Variants in LRP1B observed in about 807,000 individuals in gnomAD.
The protein encoded by LRP1B is low-density lipoprotein receptor-related protein 1B.
LRP1B carries 217 observed loss-of-function variants against 556.6 expected under a neutral mutation model. The ratio of observed to expected loss-of-function variants is 0.39; its 90% confidence interval spans 0.35 to 0.44. LRP1B has a LOEUF of 0.44. LRP1B is among the 20% of genes least tolerant of loss of function. The pLI is 1.00. For synonymous variants in LRP1B, 2,047 were observed against 1,865.8 expected (o/e 1.10, Z -2.50); for missense variants, 5,053 against 5,620.8 (o/e 0.90, Z 3.23).
chr2:141,221,877 A>G (rs1397094785), intron 6 of LRP1B, among the ~76,000 whole-genome samples: 1 of 152,194 alleles, frequency 6.6e-6, no homozygotes, highest in Non-Finnish European at 1.5e-5. Context: ...CTTTGAAACC[A>G]ATGAGAACAA....
Position 140,541,859 on chromosome 2 carries a change from C to T in LRP1B, c.7307G>A (p.Gly2436Glu), listed in dbSNP as rs2105020402. ...GGAACGAAGAATTTTTGTATCTCCT[C>T]CTGTGTACTTGTTGGACCGCAGTAT... ...RAILRSNKYT[G>E]GDTKILRSDI... The change falls in exon 44 of 91, where the codon GGA becomes GAA. Residue 2436 changes from glycine to glutamate, a missense_variant. Gly to Glu is a moderately conservative substitution (Grantham distance 98, BLOSUM62 -2). Coordinates refer to ENST00000389484, the MANE Select transcript of LRP1B (RefSeq NM_018557.3). The T allele has an allele frequency of 6.2e-7, 1 of 1,612,914 alleles. No individual in the cohort carries two copies. Among genetic ancestry groups the T allele is most frequent in the Non-Finnish European group, 8.5e-7 (1 of 1,179,214 alleles).
At chr2:141,766,342 A>G (rs955896666) in intron 2 of LRP1B, among the ~76,000 whole-genome samples, 1 of 152,156 alleles carries the variant, frequency 6.6e-6, no homozygotes, top group African/African-American at 2.4e-5. Context: ...GAAATCTCCA[A>G]TGATTCTCTG....
intron 41 of LRP1B, among the ~76,000 whole-genome samples, chr2:140,643,202 C>A (rs1032040647): frequency 6.6e-6 from 1 of 151,916 alleles, no homozygotes; most frequent in South Asian, 2.1e-4. Flanking sequence ...ATACCCAGGA[C>A]GCCTTTCCTT....
chr2:141,690,516 C>T (rs1430892817), intron 2 of LRP1B, among the ~76,000 whole-genome samples: 1 of 145,526 alleles, frequency 6.9e-6, no homozygotes, highest in Admixed American at 7.0e-5. Flanking sequence ...GTTTTACAAC[C>T]TGGTTCATAT....
intron 43 of LRP1B, among the ~76,000 whole-genome samples, chr2:140,565,735 C>G (rs1681100357): frequency 6.6e-6 from 1 of 152,062 alleles, no homozygotes; most frequent in Non-Finnish European, 1.5e-5. Context: ...AACAGAAACC[C>G]TAGTGAGCAG....
intron 66 of LRP1B, among the ~76,000 whole-genome samples, chr2:140,431,053 A>C (rs541285278): frequency 1.3e-5 from 2 of 152,314 alleles, no homozygotes; most frequent in African/African-American, 2.4e-5. Context: ...CTTCTGTCAG[A>C]TATAATTCCT....
rs553034726 is a variant in LRP1B, at chr2:142,113,196, G to T, written c.82+17452C>A. 8.5e-5 allele frequency among the ~76,000 whole-genome samples: 13 copies of T among 152,066 alleles called. No homozygotes were observed. The East Asian group carries it at 1.2e-3, about 14-fold the overall frequency. On this transcript the variant is annotated intron_variant, in intron 1 of 90. Transcript: ENST00000389484. ...GCTGGGAATCAAGCCCACTTCTCTTGGTTCCCAGTGTACAGCTTTTCTCAG... is the reference window on the plus strand; with the variant it reads ...GCTGGGAATCAAGCCCACTTCTCTTTGTTCCCAGTGTACAGCTTTTCTCAG...
intron 23 of LRP1B, among the ~76,000 whole-genome samples, chr2:140,891,352 T>C (rs189914644): frequency 6.6e-6 from 1 of 152,242 alleles, no homozygotes; most frequent in African/African-American, 2.4e-5. Flanking sequence ...AAAGAGTCCT[T>C]CTTCAGATCC....
intron 1 of LRP1B, among the ~76,000 whole-genome samples, chr2:142,014,096 C>CCTAG (rs763207825): frequency 2.6e-5 from 4 of 152,018 alleles, no homozygotes; most frequent in Non-Finnish European, 5.9e-5. Context: ...AAGCATTGTA[C>CCTAG]CTAGAGTGGA....
intron 82 of LRP1B, 28 bp downstream of exon 82, chr2:140,321,935 T>A: frequency 6.3e-7 from 1 of 1,592,172 alleles, no homozygotes; most frequent in African/African-American, 1.4e-5. Flanking sequence ...ATTAATTCAT[T>A]ATTTACAGAA....
intron 35 of LRP1B, among the ~76,000 whole-genome samples, chr2:140,717,505 T>C (rs1431281915): frequency 6.6e-6 from 1 of 152,060 alleles, no homozygotes; most frequent in Non-Finnish European, 1.5e-5. Flanking sequence ...TATATAAGAG[T>C]ACTTTTTGAA....
intron 2 of LRP1B, among the ~76,000 whole-genome samples, chr2:141,747,013 A>G (rs1340795380): frequency 2.6e-5 from 4 of 152,130 alleles, no homozygotes; most frequent in Non-Finnish European, 5.9e-5. Flanking sequence ...AAAGCCAAAG[A>G]TTTGTAAAAG....
At chr2:141,784,770 T>C (rs1022862936) in intron 2 of LRP1B, among the ~76,000 whole-genome samples, 3 of 151,964 alleles carry the variant, frequency 2.0e-5, no homozygotes, top group Admixed American at 6.6e-5. Context: ...ATTTATAATA[T>C]GTGTATTAAT....
intron 2 of LRP1B, among the ~76,000 whole-genome samples, chr2:141,548,156 G>A (rs1235954576): frequency 6.6e-6 from 1 of 152,152 alleles, no homozygotes; most frequent in Non-Finnish European, 1.5e-5. Context: ...CTTTCCTAAT[G>A]TCAATTTCCT....
chr2:141,381,706 C>A (rs963798604), intron 3 of LRP1B, among the ~76,000 whole-genome samples: 8 of 152,038 alleles, frequency 5.3e-5, no homozygotes, highest in Non-Finnish European at 8.8e-5. Flanking sequence ...TCAGCAGAAA[C>A]CTTCTTGGCC....
intron 66 of LRP1B, among the ~76,000 whole-genome samples, chr2:140,424,777 G>A (rs1685587352): frequency 6.6e-6 from 1 of 152,142 alleles, no homozygotes; most frequent in South Asian, 2.1e-4. Context: ...ACCTTGAAGG[G>A]CTCAGGAGGA....
intron 1 of LRP1B, among the ~76,000 whole-genome samples, chr2:141,934,628 A>C (rs571247432): frequency 7.3e-4 from 111 of 152,200 alleles, no homozygotes; most frequent in African/African-American, 2.6e-3. Flanking sequence ...TGTGGGAGGG[A>C]CCAGGTGGAG....
At chr2:140,595,110 A>C (rs79306122) in intron 43 of LRP1B, among the ~76,000 whole-genome samples, 6,887 of 59,944 alleles carry the variant, frequency 0.11, 365 homozygotes, top group Middle Eastern at 0.19. Context: ...ATATATATAT[A>C]TATATATATA....
intron 7 of LRP1B, among the ~76,000 whole-genome samples, chr2:141,132,194 T>A (rs1400713765): frequency 6.6e-6 from 1 of 152,124 alleles, no homozygotes; most frequent in East Asian, 1.9e-4. Context: ...TGAAATTTAA[T>A]CCCCAGTGTG....
Sources: allele counts gnomAD v4.1 joint callset (sites outside exome capture counted in the v4.1 genomes callset), GRCh38; gene constraint gnomAD v4.1.1; transcripts MANE v1.5; gene names NCBI Gene and HGNC (gene_info 2026-07-23, HGNC 2026-07-21).